The following ULK4 variants were observed in gnomAD, a reference collection of about 807,000 sequenced individuals.
ULK4 encodes unc-51 like kinase 4, also known as inactive serine/threonine-protein kinase ULK4.
ULK4 carries 133 observed loss-of-function variants against 160.6 expected under a neutral mutation model. That is an observed-to-expected ratio of 0.83 (90% CI 0.72 to 0.96). The LOEUF (loss-of-function observed/expected upper bound fraction) is 0.96, where lower values mean the gene tolerates loss of function less well. ULK4 is among the 40% of genes least tolerant of loss of function. ULK4 has a pLI of 0.00. For synonymous variants in ULK4, 534 were observed against 539.8 expected (o/e 0.99, Z 0.15); for missense variants, 1,580 against 1,499.5 (o/e 1.05, Z -0.89).
chr3:41,886,408 T>A (rs1269896638), intron 16 of ULK4, among the ~76,000 whole-genome samples: 1 of 151,708 alleles, frequency 6.6e-6, no homozygotes, highest in Non-Finnish European at 1.5e-5. Flanking sequence ...GCAAAATAAC[T>A]GAACACACTA....
chr3:41,383,392 C>T (rs2081720645), intron 35 of ULK4, among the ~76,000 whole-genome samples: 1 of 152,170 alleles, frequency 6.6e-6, no homozygotes, highest in South Asian at 2.1e-4. Flanking sequence ...AGCCACCACG[C>T]CTGGCCTGGA....
intron 17 of ULK4, among the ~76,000 whole-genome samples, chr3:41,855,824 T>C (rs2042323044): frequency 6.6e-6 from 1 of 152,162 alleles, no homozygotes; most frequent in African/African-American, 2.4e-5. Context: ...ATGTGATGCT[T>C]TGCTAGGTTC....
In ULK4 at chr3:41,402,329, A is replaced by G. The variant is rs28455502; in HGVS notation, c.3493-4065T>C. ...CAGATAGGTTTATTTCTTCTTTTCC[A>G]ACGGGTATTCCTTTTATTTCTTTCC... On this transcript the variant is annotated intron_variant, in intron 34 of 36. Transcript: ENST00000301831. 2.5e-3 allele frequency among the ~76,000 whole-genome samples: 378 copies of G among 152,258 alleles called. 1 individual carries two copies. The highest frequency in any genetic ancestry group is 8.4e-3 in the African/African-American group (348 of 41,562).
intron 35 of ULK4, among the ~76,000 whole-genome samples, chr3:41,276,162 A>G (rs954578124): frequency 6.6e-6 from 1 of 152,256 alleles, no homozygotes; most frequent in Non-Finnish European, 1.5e-5. Context: ...GAGAGTTTCA[A>G]TGCACTGACT....
At chr3:41,773,552 C>A (rs1340472506) in intron 21 of ULK4, among the ~76,000 whole-genome samples, 10 of 152,252 alleles carry the variant, frequency 6.6e-5, no homozygotes, top group Non-Finnish European at 1.3e-4. Context: ...CTACAAACCA[C>A]TGCTCAATGA....
In ULK4 at chr3:41,602,746, CTTTA is replaced by C. The variant is rs1311893322; in HGVS notation, c.3120+12919_3120+12922del. On this transcript the variant is annotated intron_variant, in intron 31 of 36. Transcript: ENST00000301831. The stretch of plus-strand genomic sequence containing the variant: ...TGTGAAGGCAGGTAAGATTTCTATA[CTTTA>C]TTTAAACTGGTAAAATGATGAAACT... Among the ~76,000 whole-genome samples, 4 of 152,024 alleles carry C rather than the reference CTTTA, an allele frequency of 2.6e-5. No individual in the cohort carries two copies. In the South Asian group the frequency reaches 8.3e-4, roughly 32 times the overall value.
intron 22 of ULK4, among the ~76,000 whole-genome samples, chr3:41,743,343 A>AG (rs1279504707): frequency 1.3e-5 from 2 of 151,876 alleles, no homozygotes; most frequent in Non-Finnish European, 2.9e-5. Context: ...GAAAAAAAAA[A>AG]CTGTCAACTA....
At chr3:41,523,700 C>T (rs1309985453) in intron 32 of ULK4, among the ~76,000 whole-genome samples, 2 of 152,008 alleles carry the variant, frequency 1.3e-5, no homozygotes, top group Admixed American at 6.6e-5. Flanking sequence ...ATGATACATC[C>T]ACTTCAGAAA....
chr3:41,537,192 A>ATTT (rs58996371), intron 32 of ULK4, among the ~76,000 whole-genome samples: 1 of 149,112 alleles, frequency 6.7e-6, no homozygotes, highest in Admixed American at 6.7e-5. Flanking sequence ...ACCCCCAACC[A>ATTT]TTTTTTTTTT....
chr3:41,850,094 G>A (rs548248704), intron 17 of ULK4, among the ~76,000 whole-genome samples: 11 of 152,124 alleles, frequency 7.2e-5, no homozygotes, highest in Non-Finnish European at 1.0e-4. Context: ...AATTTGCTGA[G>A]AATGATGGTT....
intron 30 of ULK4, among the ~76,000 whole-genome samples, chr3:41,629,141 C>T (rs2033647927): frequency 6.6e-6 from 1 of 152,130 alleles, no homozygotes; most frequent in African/African-American, 2.4e-5. Context: ...TTATGAAGTT[C>T]ATGGATTCTG....
intron 21 of ULK4, among the ~76,000 whole-genome samples, chr3:41,769,061 T>G (rs73071330): frequency 0.12 from 17,999 of 152,252 alleles, 1,290 homozygotes; most frequent in Middle Eastern, 0.27. Flanking sequence ...GCTTATGATT[T>G]AGGGTGAAAC....
chr3:41,960,044 ATTT>A (rs11359429), intron 1 of ULK4, among the ~76,000 whole-genome samples: 1 of 148,612 alleles, frequency 6.7e-6, no homozygotes, highest in Admixed American at 6.7e-5. Context: ...TAAAATCTTG[ATTT>A]TTTTTTTTTT....
intron 1 of ULK4, among the ~76,000 whole-genome samples, chr3:41,959,533 TAATA>T (rs1434271987): frequency 1.3e-5 from 2 of 148,224 alleles, no homozygotes; most frequent in Non-Finnish European, 3.0e-5. Context: ...AAAAAAATAA[TAATA>T]ATTAATTAAT....
intron 17 of ULK4, among the ~76,000 whole-genome samples, chr3:41,878,117 A>G (rs1697379509): frequency 6.6e-6 from 1 of 150,746 alleles, no homozygotes; most frequent in African/African-American, 2.4e-5. Context: ...GAGAACCCAG[A>G]TTGAGTTCTC....
chr3:41,421,948 T>G (rs1250744484), intron 34 of ULK4, among the ~76,000 whole-genome samples: 1 of 152,158 alleles, frequency 6.6e-6, no homozygotes, highest in Non-Finnish European at 1.5e-5. Context: ...ACTTGTTTGT[T>G]GTTTGTTTTT....
intron 5 of ULK4, among the ~76,000 whole-genome samples, chr3:41,927,392 C>G (rs1428753277): frequency 2.0e-5 from 3 of 152,174 alleles, no homozygotes; most frequent in African/African-American, 7.2e-5. Flanking sequence ...ACTGCAAAAA[C>G]ATACCAAATT....
At chr3:41,731,118 T>C (rs1042960253) in intron 22 of ULK4, among the ~76,000 whole-genome samples, 1 of 151,860 alleles carries the variant, frequency 6.6e-6, no homozygotes, top group Non-Finnish European at 1.5e-5. Flanking sequence ...GCTTTTCCTC[T>C]AAATTTAGAA....
chr3:41,928,196 T>C (rs1699451097), intron 5 of ULK4, among the ~76,000 whole-genome samples: 1 of 152,118 alleles, frequency 6.6e-6, no homozygotes, highest in Non-Finnish European at 1.5e-5. Context: ...TTAAGAGACT[T>C]ACTCAAAAAC....
Sources: gnomAD v4.1 joint callset for allele counts (sites outside exome capture counted in the v4.1 genomes callset) on GRCh38, gnomAD v4.1.1 for gene constraint, MANE v1.5 for transcripts, NCBI Gene and HGNC (gene_info 2026-07-23, HGNC 2026-07-21) for gene names.